REDIC1: variants seen among roughly 807,000 people sequenced by gnomAD.
REDIC1 encodes the protein HEI10 Interacting Protein 1.
the REDIC1 span, among the ~76,000 whole-genome samples, chr12:39,834,988 A>G: frequency 6.6e-6 from 1 of 151,998 alleles, no homozygotes; most frequent in Non-Finnish European, 1.5e-5. Context: ...TACATTTTTC[A>G]CTCAAGATTT....
the REDIC1 span, among the ~76,000 whole-genome samples, chr12:39,689,590 T>A: frequency 6.6e-6 from 1 of 152,174 alleles, no homozygotes; most frequent in African/African-American, 2.4e-5. Flanking sequence ...GTGTATAGAA[T>A]AAGAACAAAA....
the REDIC1 span, among the ~76,000 whole-genome samples, chr12:39,812,996 A>ATTTTTTTTTTTT: frequency 1.8e-3 from 75 of 40,614 alleles, 32 homozygotes; most frequent in Admixed American, 0.017. Flanking sequence ...TGCCCAGCTA[A>ATTTTTTTTTTTT]TTTTTTTTTT....
chr12:39,874,632 A>G, the REDIC1 span, among the ~76,000 whole-genome samples: 1 of 151,896 alleles, frequency 6.6e-6, no homozygotes, highest in African/African-American at 2.4e-5. Flanking sequence ...AAAAAAAAAA[A>G]AAGAATGCAT....
the REDIC1 span, among the ~76,000 whole-genome samples, chr12:39,627,141 G>C: frequency 1.3e-5 from 2 of 152,130 alleles, no homozygotes. Flanking sequence ...ATTATAATGC[G>C]TTTGAATTCT....
chr12:39,759,469 C>T, the REDIC1 span: 1 of 152,672 alleles, frequency 6.5e-6, no homozygotes, highest in Admixed American at 6.6e-5. Context: ...AAAGGAGATA[C>T]GGACAGCTGT....
chr12:39,646,552 T>G, the REDIC1 span: 3 of 1,260,326 alleles, frequency 2.4e-6, no homozygotes, highest in Non-Finnish European at 3.2e-6. Context: ...AATACTTACC[T>G]TCTACCCCCA....
chr12:39,865,159 A>G, the REDIC1 span, among the ~76,000 whole-genome samples: 4 of 152,218 alleles, frequency 2.6e-5, no homozygotes, highest in Non-Finnish European at 1.5e-5. Flanking sequence ...ATGATTTTTT[A>G]AAAGAAACCA....
At chr12:39,770,273 A>T in the REDIC1 span, among the ~76,000 whole-genome samples, 1 of 152,092 alleles carries the variant, frequency 6.6e-6, no homozygotes, top group Non-Finnish European at 1.5e-5. Context: ...CACTGATGGA[A>T]TTTAGGTACC....
At chr12:39,868,215 T>C in the REDIC1 span, among the ~76,000 whole-genome samples, 1 of 152,320 alleles carries the variant, frequency 6.6e-6, no homozygotes, top group Non-Finnish European at 1.5e-5. Flanking sequence ...ATGTTCTTTA[T>C]GTTTCAAGAG....
chr12:39,860,885 CCAGAGA>C, the REDIC1 span, among the ~76,000 whole-genome samples: 3 of 152,110 alleles, frequency 2.0e-5, no homozygotes, highest in Non-Finnish European at 4.4e-5. Context: ...CCACACCCAC[CCAGAGA>C]CAGTTTAGAA....
At chr12:39,727,356 G>T in the REDIC1 span, among the ~76,000 whole-genome samples, 1 of 152,122 alleles carries the variant, frequency 6.6e-6, no homozygotes, top group Admixed American at 6.5e-5. Context: ...TCCAGTTTCA[G>T]TTTTCTGCAT....
At chr12:39,707,905 A>G in the REDIC1 span, among the ~76,000 whole-genome samples, 1 of 151,930 alleles carries the variant, frequency 6.6e-6, no homozygotes, top group Non-Finnish European at 1.5e-5. Context: ...CAAGCCAGGC[A>G]CAGAAAGACA....
chr12:39,743,480 G>T, the REDIC1 span, among the ~76,000 whole-genome samples: 1 of 152,202 alleles, frequency 6.6e-6, no homozygotes, highest in South Asian at 2.1e-4. Context: ...ATACTAAAAG[G>T]CAAAAAACAC....
the REDIC1 span, among the ~76,000 whole-genome samples, chr12:39,709,063 A>T: frequency 6.6e-6 from 1 of 151,780 alleles, no homozygotes; most frequent in African/African-American, 2.4e-5. Flanking sequence ...ACCTTTAAGC[A>T]CTTTCCCGAA....
the REDIC1 span, among the ~76,000 whole-genome samples, chr12:39,680,801 C>T: frequency 6.6e-6 from 1 of 152,066 alleles, no homozygotes; most frequent in South Asian, 2.1e-4. Context: ...CTCACACACT[C>T]ACACTCCATG....
the REDIC1 span, among the ~76,000 whole-genome samples, chr12:39,870,563 A>G: frequency 1.3e-5 from 2 of 152,200 alleles, no homozygotes; most frequent in East Asian, 3.8e-4. Flanking sequence ...TCTCCAGGCT[A>G]TATACCTCTG....
chr12:39,845,881 T>C, the REDIC1 span, among the ~76,000 whole-genome samples: 3 of 152,136 alleles, frequency 2.0e-5, no homozygotes, highest in Non-Finnish European at 4.4e-5. Flanking sequence ...AAATTCAGGT[T>C]CACATGGATA....
the REDIC1 span, among the ~76,000 whole-genome samples, chr12:39,798,627 C>T: frequency 6.6e-6 from 1 of 152,164 alleles, no homozygotes; most frequent in Non-Finnish European, 1.5e-5. Context: ...TGTTTGGCCT[C>T]GTGGCAGGGC....
chr12:39,750,132 C>G, the REDIC1 span, among the ~76,000 whole-genome samples: 1 of 152,318 alleles, frequency 6.6e-6, no homozygotes, highest in South Asian at 2.1e-4. Flanking sequence ...CAAATTGTCC[C>G]TGTTTGCAGA....
Sources: gnomAD v4.1 joint callset for allele counts (sites outside exome capture counted in the v4.1 genomes callset) on GRCh38, gnomAD v4.1.1 for gene constraint, MANE v1.5 for transcripts, NCBI Gene and HGNC (gene_info 2026-07-23, HGNC 2026-07-21) for gene names.